Variants in PABPN1 observed in about 807,000 individuals in gnomAD.
PABPN1 encodes poly(A) binding protein nuclear 1, also known as polyadenylate-binding protein 2.
PABPN1 carries 5 observed loss-of-function variants against 33.4 expected under a neutral mutation model. The ratio of observed to expected loss-of-function variants is 0.15; its 90% CI spans 0.08 to 0.32. The LOEUF is 0.32. Among genes scored for constraint, PABPN1 ranks in the 10% least tolerant of loss-of-function variants. The probability of loss-of-function intolerance (pLI) is 1.00; values close to 1 mark genes in which losing one functional copy is unlikely to be tolerated. For synonymous variants in PABPN1, 176 were observed against 170.6 expected, an observed-to-expected ratio of 1.03 and a Z score of -0.25; for missense variants, 312 against 425.8, an observed-to-expected ratio of 0.73 and a Z score of 2.35.
In PABPN1 at chr14:23,323,086, C is replaced by G. The variant is rs1447086436; in HGVS notation, c.534+20C>G. 1 of 1,613,908 alleles carries G rather than the reference C, an allele frequency of 6.2e-7. No homozygotes were observed. Among genetic ancestry groups the G allele is most frequent in the African/African-American group, 1.3e-5 (1 of 74,984 alleles). ...GGCAATGTACGTACTGGGGCTCTGA[C>G]TGGGGTTGGGGGCAAGTTCTTCTTT... On this transcript the variant is annotated intron_variant, in intron 3 of 6. Coordinates refer to ENST00000216727, the MANE Select transcript of PABPN1 (RefSeq NM_004643.4).
intron 2 of PABPN1, chr14:23,322,708 C>T: frequency 4.0e-6 from 2 of 498,214 alleles, no homozygotes; most frequent in South Asian, 2.2e-5. Flanking sequence ...ATTTTGCTCA[C>T]TCTTAAAAGC....
In PABPN1 at chr14:23,324,296, A is replaced by C. The variant is rs2138480528; in HGVS notation, c.881+7A>C. 6.2e-7 allele frequency: 1 copy of C among 1,611,394 alleles called. No individual in the cohort carries two copies. Among genetic ancestry groups the C allele is most frequent in the Non-Finnish European group, 8.5e-7 (1 of 1,179,984 alleles). On this transcript the variant is annotated splice_region_variant and intron_variant, in intron 6 of 6. Transcript: ENST00000216727. Reference sequence around the variant, plus strand: ...CCCGGGGTCGCGTCTACAGGTCAGGATAGATGGGCTGCTCCTCTTTCCCCC... The same window carrying C: ...CCCGGGGTCGCGTCTACAGGTCAGGCTAGATGGGCTGCTCCTCTTTCCCCC...
At position 23,323,448 on chromosome 14, in the gene PABPN1, C is replaced by T. The variant is rs1888481913; in HGVS notation, c.606C>T (p.Thr202=). 2 of 1,614,008 alleles carry T rather than the reference C, an allele frequency of 1.2e-6. No homozygotes were observed. Among genetic ancestry groups the T allele is most frequent in the Admixed American group, 1.7e-5 (1 of 60,000 alleles). The change falls in exon 4 of 7, where the codon ACC becomes ACT. Residue 202 remains threonine (T), a synonymous_variant. Coordinates refer to ENST00000216727, the MANE Select transcript of PABPN1 (RefSeq NM_004643.4). ...FHGCGSVNRV[T]ILCDKFSGHP... ...GCTGTGGTTCAGTCAACCGTGTTAC[C>T]ATACTGTGTGACAAATTTAGTGGCC... is the stretch of plus-strand genomic sequence containing the variant.
intron 4 of PABPN1, 68 bp downstream of exon 4, chr14:23,323,551 A>G: frequency 1.4e-6 from 2 of 1,419,502 alleles, no homozygotes; most frequent in Non-Finnish European, 2.0e-6. Flanking sequence ...TATGTTTTAT[A>G]TTGAGCAGTA....
intron 2 of PABPN1, chr14:23,322,546 GTCTA>G (rs1391325659): frequency 9.4e-6 from 5 of 533,550 alleles, no homozygotes; most frequent in African/African-American, 3.8e-5. Flanking sequence ...CTTAGTCTAC[GTCTA>G]TCTTTCTTTG....
intron 4 of PABPN1, 47 bp downstream of exon 4, chr14:23,323,530 A>G (rs1410412174): frequency 2.0e-6 from 3 of 1,523,606 alleles, no homozygotes; most frequent in South Asian, 1.1e-5. Context: ...ACAGTGTACA[A>G]ATAGATAAAT....
At chr14:23,322,446 C>T (rs1594988749) in intron 2 of PABPN1, 151 bp downstream of exon 2, 2 of 727,318 alleles carry the variant, frequency 2.7e-6, no homozygotes, top group South Asian at 3.0e-5. Context: ...GTTGTGTGTT[C>T]CTCTGACCTT....
At position 23,325,142 on chromosome 14, in the gene PABPN1, T is replaced by TC. The variant is rs796614922; in HGVS notation, c.882-99dup. The stretch of plus-strand genomic sequence containing the variant: ...TTTTAGGACACTTGAACACTTCTTT[T>TC]CCCCCCTTCCCTTCACAGTAACTGG... On this transcript the variant is annotated intron_variant, in intron 6 of 6. Transcript: ENST00000216727. 77 of 1,509,162 alleles carry TC rather than the reference T, an allele frequency of 5.1e-5. No homozygotes were observed. The Admixed American group carries it at 6.6e-4, about 13-fold the overall frequency. The allele number at this position is 1,509,162 out of a possible 1,614,324, so 93.5% of individuals were successfully genotyped here. A position where few individuals can be genotyped will look rare whatever the true frequency, so the allele number is the denominator to read the frequency against.
In PABPN1 at chr14:23,322,171, CTTATA is replaced by C. The variant is rs756355153; in HGVS notation, c.352-6_352-2del. The C allele has an allele frequency of 3.8e-6, 6 of 1,598,582 alleles. No homozygotes were observed. The African/African-American group carries it at 6.7e-5, about 18-fold the overall frequency. On this transcript the variant is annotated splice_polypyrimidine_tract_variant and splice_region_variant and intron_variant, in intron 1 of 6. Transcript: ENST00000216727. ...TAAGCTGTCCTCCATACCCTCCCCA[CTTATA>C]TTAGGAGCTGGAAGCTATCAAAGCT...
chr14:23,323,285 T>C (rs1449790278), intron 3 of PABPN1, 92 bp from the exon 4 acceptor site: 17 of 1,361,882 alleles, frequency 1.2e-5, no homozygotes, highest in South Asian at 1.2e-4. Context: ...TCATGTGCTT[T>C]GGTGTATGAT....
In PABPN1 at chr14:23,321,909, G is replaced by T. The variant is rs1888318776; in HGVS notation, c.351+89G>T. ...GCTCGGGCGAGCGGGTGGCAGGCGG[G>T]GGGTGGGGTTGGGCGGGGAATAACG... On this transcript the variant is annotated intron_variant, in intron 1 of 6. Transcript: ENST00000216727. 1.1e-5 allele frequency: 10 copies of T among 909,036 alleles called. No homozygotes were observed. In the South Asian group the frequency reaches 1.8e-4, roughly 16 times the overall value. The allele number at this position is 909,036 out of a possible 1,614,324, so 56.3% of individuals were successfully genotyped here.
intron 6 of PABPN1, chr14:23,324,890 C>T (rs931326058): frequency 3.6e-6 from 1 of 275,880 alleles, no homozygotes; most frequent in Non-Finnish European, 6.8e-6. Context: ...TTTTCATAAG[C>T]TCTACCTGCC....
Position 23,322,219 on chromosome 14 carries a change from G to A in PABPN1, c.390G>A (p.Glu130=), listed in dbSNP as rs1464207515. The A allele has an allele frequency of 1.2e-6, 2 of 1,610,986 alleles. No individual in the cohort carries two copies. Among genetic ancestry groups the A allele is most frequent in the Non-Finnish European group, 8.5e-7 (1 of 1,178,622 alleles). ...EAIKARVREM[E]EEAEKLKELQ... ...TCAAAGCTCGAGTCAGGGAGATGGA[G>A]GAAGAAGCTGAGAAGCTAAAGGAGC... The change falls in exon 2 of 7, where the codon GAG becomes GAA. Residue 130 remains glutamate, a synonymous_variant. Transcript: ENST00000216727.
chr14:23,321,519 G>A lies in PABPN1; in HGVS notation c.50G>A (p.Arg17Gln), dbSNP rs1481132195. Residue 17 changes from arginine to glutamine, a missense_variant, in exon 1 of 7, where the codon CGG (arginine) becomes CAG (glutamine). This residue lies in a region of PABPN1 where 167 missense variants were observed against 168.9 expected (regional missense o/e 0.99). Coordinates refer to ENST00000216727, the MANE Select transcript of PABPN1 (RefSeq NM_004643.4). ...AAAAAGAAGG[R>Q]GSGPGRRRHL... is the part of the protein sequence containing the mutation. ...GCAGCAGCGGGGGCTGCGGGCGGTC[G>A]GGGCTCCGGGCCGGGGCGGCGGCGC... 151 of 1,247,474 alleles carry A rather than the reference G, an allele frequency of 1.2e-4. No homozygotes were observed. Among genetic ancestry groups the A allele is most frequent in the Non-Finnish European group, 1.5e-4 (150 of 994,206 alleles). The allele number at this position is 1,247,474 out of a possible 1,614,324, so 77.3% of individuals were successfully genotyped here.
chr14:23,323,605 A>G (rs983874134), intron 4 of PABPN1, 122 bp downstream of exon 4: 1 of 967,668 alleles, frequency 1.0e-6, no homozygotes, highest in South Asian at 1.4e-5. Context: ...ATTTAAGATC[A>G]TGGCATTAAT....
In PABPN1 at chr14:23,321,544, C is replaced by T; in HGVS notation, c.75C>T (p.Arg25=). 1.5e-6 allele frequency: 2 copies of T among 1,333,924 alleles called. No homozygotes were observed. 82.6% of individuals were successfully genotyped at this position (1,333,924 alleles called of 1,614,324 possible). A position where few individuals can be genotyped will look rare whatever the true frequency, so the allele number is the denominator to read the frequency against. The change falls in exon 1 of 7, where the codon CGC becomes CGT. Residue 25 remains arginine (R), a synonymous_variant. Coordinates refer to ENST00000216727, the MANE Select transcript of PABPN1 (RefSeq NM_004643.4). ...GGGGCTCCGGGCCGGGGCGGCGGCGCCATCTTGTGCCCGGGGCCGGTGGGG... is the reference window on the plus strand; with the variant it reads ...GGGGCTCCGGGCCGGGGCGGCGGCGTCATCTTGTGCCCGGGGCCGGTGGGG... ...GGRGSGPGRR[R]HLVPGAGGEA...
intron 6 of PABPN1, chr14:23,324,938 C>G (rs774420488): frequency 2.5e-5 from 9 of 353,150 alleles, no homozygotes; most frequent in Non-Finnish European, 4.1e-5. Context: ...TTGTGATGGC[C>G]TAGGGTTTAA....
chr14:23,324,399 A>T, intron 6 of PABPN1, 110 bp downstream of exon 6: 2 of 1,263,894 alleles, frequency 1.6e-6, no homozygotes, highest in South Asian at 1.2e-5. Flanking sequence ...CGTGGTCTTC[A>T]GGAACTTTGT....
intron 6 of PABPN1, 88 bp downstream of exon 6, chr14:23,324,377 C>G (rs1475089649): frequency 1.5e-6 from 2 of 1,311,674 alleles, no homozygotes; most frequent in Admixed American, 2.0e-5. Flanking sequence ...CCTCCCTCCC[C>G]CCACCCCTCC....
Sources: allele counts gnomAD v4.1 joint callset, GRCh38; gene constraint gnomAD v4.1.1; regional missense constraint gnomAD v4.1.1; transcripts MANE v1.5; gene names NCBI Gene and HGNC (gene_info 2026-07-23, HGNC 2026-07-21).